Variants in SYTL5 observed in about 807,000 individuals in gnomAD.
SYTL5 encodes the protein synaptotagmin like 5.
In SYTL5, 34 loss-of-function variants were observed where a neutral mutation model predicts 55.9. The observed-to-expected ratio is 0.61, with a 90% CI of 0.46 to 0.81. The LOEUF (loss-of-function observed/expected upper bound fraction) is 0.81. SYTL5 is among the 30% of genes least tolerant of loss of function. SYTL5 has a pLI of 0.00. For synonymous variants in SYTL5, 221 were observed against 188.7 expected (o/e 1.17, Z -1.40); for missense variants, 637 against 546.7 (o/e 1.17, Z -1.65).
chrX:38,032,017 T>G (rs150772508), intron 1 of SYTL5, among the ~76,000 whole-genome samples: 3,812 of 111,811 alleles, frequency 0.034, 66 homozygotes, highest in Middle Eastern at 0.06. Flanking sequence ...GTACACTGTA[T>G]AGAACAAACA....
At chrX:37,983,254 A>G in the SYTL5 span, among the ~76,000 whole-genome samples, 34 of 112,206 alleles carry the variant, frequency 3.0e-4, no homozygotes, top group African/African-American at 1.1e-3. Context: ...AGGCTGAATT[A>G]AAAAACAAGA....
chrX:38,008,087 G>C (rs1260090787), intron 1 of SYTL5, among the ~76,000 whole-genome samples: 1 of 111,175 alleles, frequency 9.0e-6, no homozygotes, highest in East Asian at 2.8e-4. Context: ...TTAAGGGAAG[G>C]AAAAGGAAAT....
At chrX:38,071,993 A>T in intron 3 of SYTL5, 54 bp from the exon 4 acceptor site, 1 of 874,085 alleles carries the variant, frequency 1.1e-6, no homozygotes, top group Non-Finnish European at 1.7e-6. Flanking sequence ...TTTGAGAGTT[A>T]ATTATGTGGC....
intron 1 of SYTL5, among the ~76,000 whole-genome samples, chrX:38,015,114 T>TAA (rs1246161295): frequency 8.9e-6 from 1 of 112,233 alleles, no homozygotes; most frequent in Non-Finnish European, 1.9e-5. Context: ...AACTTGTATA[T>TAA]AAGTGCTGAG....
the SYTL5 span, among the ~76,000 whole-genome samples, chrX:37,996,264 C>A: frequency 8.9e-6 from 1 of 112,019 alleles, no homozygotes. Flanking sequence ...GCCAGATCCC[C>A]CTTCCACACA....
the SYTL5 span, among the ~76,000 whole-genome samples, chrX:37,990,519 A>G: frequency 7.1e-5 from 8 of 112,639 alleles, no homozygotes; most frequent in East Asian, 2.2e-3. Context: ...AAGACAGAGC[A>G]AAGTTTTCCA....
chrX:38,127,432 G>A lies in SYTL5; in HGVS notation c.*702G>A, dbSNP rs1445854729. On this transcript the variant is annotated 3_prime_UTR_variant, in exon 17 of 17. Coordinates refer to ENST00000297875, the MANE Select transcript of SYTL5 (RefSeq NM_138780.3). ...CCTACTGATGACCTAAGAGAGCTCT[G>A]TTTTAAACATTTATTTTATAAAATG... 1 of 112,010 alleles carries A rather than the reference G, an allele frequency of 8.9e-6. No homozygotes were observed. The highest frequency in any genetic ancestry group is 3.2e-5 in the African/African-American group (1 of 30,837). The allele number at this position is 112,010 out of a possible 1,213,427, so 9.2% of individuals were successfully genotyped here.
the SYTL5 span, among the ~76,000 whole-genome samples, chrX:37,913,531 C>A: frequency 3.6e-5 from 4 of 112,017 alleles, no homozygotes; most frequent in African/African-American, 1.3e-4. Context: ...AGCCTCACAG[C>A]AAATATCTCA....
chrX:38,073,529 A>G, intron 4 of SYTL5, 61 bp from the exon 5 acceptor site: 1 of 835,673 alleles, frequency 1.2e-6, no homozygotes, highest in Non-Finnish European at 1.7e-6. Flanking sequence ...CAGAATATAA[A>G]TTTGCTCTCA....
chrX:37,964,728 T>C, the SYTL5 span, among the ~76,000 whole-genome samples: 1 of 111,478 alleles, frequency 9.0e-6, no homozygotes, highest in Non-Finnish European at 1.9e-5. Flanking sequence ...CCTGGGCTTC[T>C]TGTCATTGTC....
chrX:38,105,310 C>T (rs1937180012), intron 10 of SYTL5, among the ~76,000 whole-genome samples: 1 of 113,061 alleles, frequency 8.8e-6, no homozygotes, highest in East Asian at 2.8e-4. Context: ...GCACCCCTGA[C>T]ACAGCCTCAG....
chrX:38,097,367 G>A (rs1007319306), intron 9 of SYTL5, among the ~76,000 whole-genome samples: 5 of 110,175 alleles, frequency 4.5e-5, no homozygotes, highest in Non-Finnish European at 9.6e-5. Flanking sequence ...AAGGTTGCAG[G>A]AGATAAGATC....
chrX:38,027,860 G>A (rs1470833461), intron 1 of SYTL5, among the ~76,000 whole-genome samples: 18 of 88,209 alleles, frequency 2.0e-4, no homozygotes, highest in Non-Finnish European at 3.7e-4. Flanking sequence ...TTTCACTCTT[G>A]TTGCCCAAGC....
chrX:37,909,756 C>T, the SYTL5 span, among the ~76,000 whole-genome samples: 1 of 109,725 alleles, frequency 9.1e-6, no homozygotes, highest in Admixed American at 9.7e-5. Flanking sequence ...CTCACTGCAA[C>T]CTCTGCCTCC....
At chrX:37,962,091 T>C in the SYTL5 span, among the ~76,000 whole-genome samples, 1 of 111,238 alleles carries the variant, frequency 9.0e-6, no homozygotes, top group East Asian at 2.8e-4. Flanking sequence ...TTTTTAATTA[T>C]ACTTTAAGTT....
chrX:38,047,331 T>C (rs1339909704), intron 2 of SYTL5, among the ~76,000 whole-genome samples: 1 of 112,990 alleles, frequency 8.9e-6, no homozygotes, highest in Non-Finnish European at 1.9e-5. Flanking sequence ...TATGCAAAGG[T>C]TCCCAAACCC....
intron 10 of SYTL5, chrX:38,103,238 T>C (rs1370872330): frequency 4.8e-6 from 2 of 417,501 alleles, no homozygotes; most frequent in African/African-American, 5.0e-5. Flanking sequence ...AAAAGATTGA[T>C]GAGATGATCA....
At chrX:37,948,051 T>C in the SYTL5 span, among the ~76,000 whole-genome samples, 1 of 111,775 alleles carries the variant, frequency 8.9e-6, no homozygotes, top group Non-Finnish European at 1.9e-5. Flanking sequence ...AGCTTCATTG[T>C]TTCAGTATGA....
In SYTL5 at chrX:38,116,977, A is replaced by T. The variant is rs1937505744; in HGVS notation, c.1597-3381A>T. On this transcript the variant is annotated intron_variant, in intron 13 of 16. Coordinates refer to ENST00000297875, the MANE Select transcript of SYTL5 (RefSeq NM_138780.3). ...TGTCTACTAGATAGACTGAAAACTC[A>T]TTGAAAGCAGGGTCTGTCTTTTGTG... 2.7e-5 allele frequency among the ~76,000 whole-genome samples: 3 copies of T among 112,561 alleles called. No homozygotes were observed. In the South Asian group the frequency reaches 1.1e-3, roughly 41 times the overall value.
Sources: gnomAD v4.1 joint callset for allele counts (sites outside exome capture counted in the v4.1 genomes callset) on GRCh38, gnomAD v4.1.1 for gene constraint, MANE v1.5 for transcripts, NCBI Gene and HGNC (gene_info 2026-07-23, HGNC 2026-07-21) for gene names.